MAGT1: variants seen among roughly 807,000 people sequenced by gnomAD.
The protein encoded by MAGT1 is dolichyl-diphosphooligosaccharide--protein glycosyltransferase subunit MAGT1.
A neutral mutation model predicts 28.4 loss-of-function variants in MAGT1; 4 were observed. That is an observed-to-expected ratio of 0.14 (90% CI 0.07 to 0.32). The LOEUF is 0.32. Ranked by LOEUF, MAGT1 falls within the 10% of genes least tolerant of loss-of-function variation. The pLI is 1.00. For synonymous variants in MAGT1, 89 were observed against 89.7 expected, an observed-to-expected ratio of 0.99 and a Z score of 0.04; for missense variants, 193 against 264.5, an observed-to-expected ratio of 0.73 and a Z score of 1.88.
At chrX:77,868,469 T>C in intron 3 of MAGT1, 1 of 152,164 alleles carries the variant, frequency 6.6e-6, no homozygotes, top group Non-Finnish European at 1.3e-5. Flanking sequence ...AAACCCCATC[T>C]GTACTCAAAA....
At chrX:77,842,936 G>A (rs781825439) in intron 7 of MAGT1, among the ~76,000 whole-genome samples, 1 of 112,271 alleles carries the variant, frequency 8.9e-6, no homozygotes, top group Non-Finnish European at 1.9e-5. Context: ...ATACAAATAG[G>A]TAACAGATGG....
chrX:77,879,835 CTT>C (rs536579134), intron 1 of MAGT1, among the ~76,000 whole-genome samples: 7 of 73,179 alleles, frequency 9.6e-5, no homozygotes, highest in Admixed American at 1.9e-4. Flanking sequence ...CATGATTTGC[CTT>C]TTTTTTTTTT....
At chrX:77,857,746 C>T (rs782584525) in intron 3 of MAGT1, among the ~76,000 whole-genome samples, 11 of 111,352 alleles carry the variant, frequency 9.9e-5, no homozygotes, top group East Asian at 2.8e-4. Flanking sequence ...TATTTTACTC[C>T]ACTAGAATGG....
intron 2 of MAGT1, among the ~76,000 whole-genome samples, chrX:77,872,554 C>T (rs782305246): frequency 9.0e-6 from 1 of 111,432 alleles, no homozygotes; most frequent in Admixed American, 9.7e-5. Context: ...CAAACAGTAA[C>T]CTTTAGTCCC....
At chrX:77,875,393 G>C (rs1557217697) in intron 2 of MAGT1, 35 bp downstream of exon 2, 1 of 1,186,927 alleles carries the variant, frequency 8.4e-7, no homozygotes, top group Non-Finnish European at 1.1e-6. Context: ...CGTTATATGA[G>C]TTATTTAATT....
intron 1 of MAGT1, among the ~76,000 whole-genome samples, chrX:77,888,890 C>T (rs1401124353): frequency 2.7e-5 from 3 of 111,036 alleles, no homozygotes; most frequent in African/African-American, 9.8e-5. Context: ...ATGAGGTGTC[C>T]ATGCCCTCAA....
At chrX:77,833,565 G>C (rs972191920) in intron 8 of MAGT1, among the ~76,000 whole-genome samples, 8 of 111,897 alleles carry the variant, frequency 7.1e-5, no homozygotes, top group Non-Finnish European at 1.5e-4. Context: ...AATGGGAAAA[G>C]GGTTAACTTA....
chrX:77,889,329 T>C (rs915353092), intron 1 of MAGT1, among the ~76,000 whole-genome samples: 1 of 101,035 alleles, frequency 9.9e-6, no homozygotes, highest in African/African-American at 3.6e-5. Flanking sequence ...ACATAGTAGG[T>C]GTGTGTGTAT....
At chrX:77,836,472 C>T (rs2076918635) in intron 8 of MAGT1, among the ~76,000 whole-genome samples, 1 of 111,624 alleles carries the variant, frequency 9.0e-6, no homozygotes, top group Admixed American at 9.6e-5. Flanking sequence ...ACATTGCATG[C>T]CTATATATCA....
At chrX:77,881,915 C>G (rs1162021223) in intron 1 of MAGT1, among the ~76,000 whole-genome samples, 6 of 111,420 alleles carry the variant, frequency 5.4e-5, no homozygotes, top group Admixed American at 1.9e-4. Context: ...ACTGGCAAAC[C>G]AAATCCAGCA....
Position 77,879,835 on chromosome X carries a change from C to CTTTTT in MAGT1, c.103-4243_103-4239dup, listed in dbSNP as rs536579134. On this transcript the variant is annotated intron_variant, in intron 1 of 9. Transcript: ENST00000618282. ...TGGATTCTAAAAATGCATGATTTGC[C>CTTTTT]TTTTTTTTTTTTTTTTTTTTAGACA... is the stretch of plus-strand genomic sequence containing the variant. 6.8e-5 allele frequency among the ~76,000 whole-genome samples: 5 copies of CTTTTT among 73,176 alleles called. 1 individual carries two copies. Among genetic ancestry groups the CTTTTT allele is most frequent in the Non-Finnish European group, 1.2e-4 (5 of 40,409 alleles). 63.5% of individuals were successfully genotyped at this position (73,176 alleles called of 115,157 possible).
chrX:77,862,005 A>G (rs1557216513), intron 3 of MAGT1, among the ~76,000 whole-genome samples: 1 of 111,241 alleles, frequency 9.0e-6, no homozygotes, highest in Non-Finnish European at 1.9e-5. Flanking sequence ...AGCACTACTG[A>G]CCTGTACATT....
intron 7 of MAGT1, among the ~76,000 whole-genome samples, chrX:77,846,329 T>C (rs1451528894): frequency 1.2e-4 from 13 of 111,578 alleles, no homozygotes; most frequent in African/African-American, 3.6e-4. Context: ...TAGTTAGCCA[T>C]TCGTCTAACC....
At chrX:77,840,569 A>G (rs1291760228) in intron 8 of MAGT1, among the ~76,000 whole-genome samples, 4 of 111,752 alleles carry the variant, frequency 3.6e-5, no homozygotes, top group African/African-American at 1.3e-4. Context: ...TCAGCCAGGC[A>G]CGGCAGCTCA....
rs1251990398 is a variant in MAGT1, at chrX:77,826,694, C to T, written c.*2526G>A. ...AAAAAATTGTCATTCTGTCAATGTT[C>T]ATGACAAATTATCTGGAACTATACA... On this transcript the variant is annotated 3_prime_UTR_variant, in exon 10 of 10. Coordinates refer to ENST00000618282, the MANE Select transcript of MAGT1 (RefSeq NM_001367916.1). The T allele has an allele frequency of 8.9e-6, 1 of 112,442 alleles. No homozygotes were observed. The highest frequency in any genetic ancestry group is 3.2e-5 in the African/African-American group (1 of 31,014). 9.3% of individuals were successfully genotyped at this position (112,442 alleles called of 1,213,427 possible). A position where few individuals can be genotyped will look rare whatever the true frequency, so the allele number is the denominator to read the frequency against.
chrX:77,830,864 TACA>T lies in MAGT1; in HGVS notation c.930_932del (p.Val311del), dbSNP rs2076895612. 1.7e-6 allele frequency: 2 copies of T among 1,158,283 alleles called. No individual in the cohort carries two copies. Among genetic ancestry groups the T allele is most frequent in the Non-Finnish European group, 2.3e-6 (2 of 861,148 alleles). On this transcript the variant is annotated inframe_deletion, in exon 9 of 10. Coordinates refer to ENST00000618282, the MANE Select transcript of MAGT1 (RefSeq NM_001367916.1). ...TAGAGAGCATCCAACTGAAGAATAA[TACA>T]ACAAGTCCAATACCAGCCACACACA...
chrX:77,874,859 A>AT (rs782160221), intron 2 of MAGT1, among the ~76,000 whole-genome samples: 128 of 99,548 alleles, frequency 1.3e-3, no homozygotes, highest in Non-Finnish European at 1.3e-3. Context: ...GTTGATACTG[A>AT]TTTTTTTTTT....
chrX:77,856,441 GA>G (rs369643749), intron 5 of MAGT1: 5,289 of 156,151 alleles, frequency 0.034, no homozygotes, highest in Non-Finnish European at 0.041. Flanking sequence ...CCGCCTCAAA[GA>G]AAAAAAAAAA....
intron 9 of MAGT1, among the ~76,000 whole-genome samples, chrX:77,830,334 A>C (rs1318426250): frequency 9.0e-6 from 1 of 111,352 alleles, no homozygotes; most frequent in Non-Finnish European, 1.9e-5. Flanking sequence ...AAAATAAATG[A>C]ATAGGCCGGG....
Sources: allele counts gnomAD v4.1 joint callset (sites outside exome capture counted in the v4.1 genomes callset), GRCh38; gene constraint gnomAD v4.1.1; transcripts MANE v1.5; gene names NCBI Gene and HGNC (gene_info 2026-07-23, HGNC 2026-07-21).